TTC39B: variants seen among roughly 807,000 people sequenced by gnomAD.
TTC39B encodes tetratricopeptide repeat domain 39B, also known as tetratricopeptide repeat protein 39B.
A neutral mutation model predicts 96.6 loss-of-function variants in TTC39B; 92 were observed. That is an observed-to-expected ratio of 0.95 (90% CI 0.80 to 1.13). The LOEUF (loss-of-function observed/expected upper bound fraction) is 1.13. Among genes scored for constraint, TTC39B ranks in the 50% most tolerant of loss-of-function variants. The probability of loss-of-function intolerance (pLI) is 0.00; values close to 1 mark genes in which losing one functional copy is unlikely to be tolerated. For synonymous variants in TTC39B, 367 were observed against 299.4 expected, an observed-to-expected ratio of 1.23 and a Z score of -2.33; for missense variants, 955 against 809.3, an observed-to-expected ratio of 1.18 and a Z score of -2.18.
intron 2 of TTC39B, among the ~76,000 whole-genome samples, chr9:15,258,319 G>C (rs914117811): frequency 2.0e-5 from 3 of 152,122 alleles, no homozygotes; most frequent in Non-Finnish European, 4.4e-5. Context: ...GAAAAGAAAG[G>C]AATCAAAGAT....
intron 13 of TTC39B, among the ~76,000 whole-genome samples, chr9:15,188,446 C>T (rs1818661416): frequency 6.6e-6 from 1 of 152,148 alleles, no homozygotes; most frequent in South Asian, 2.1e-4. Flanking sequence ...GGACAAAACA[C>T]TGTAGGCAGA....
chr9:15,198,741 C>T (rs992621504), intron 8 of TTC39B, among the ~76,000 whole-genome samples: 1 of 151,780 alleles, frequency 6.6e-6, no homozygotes, highest in African/African-American at 2.4e-5. Flanking sequence ...ATGGTAGTCA[C>T]AAGTGCAAAC....
chr9:15,280,643 C>G (rs1823726632), intron 1 of TTC39B, among the ~76,000 whole-genome samples: 1 of 152,302 alleles, frequency 6.6e-6, no homozygotes, highest in South Asian at 2.1e-4. Flanking sequence ...GCTGAGACCA[C>G]CAAGCAGCCT....
chr9:15,218,632 T>TAAAAAAAAAAAAAA (rs545882970), intron 3 of TTC39B, among the ~76,000 whole-genome samples: 41 of 105,150 alleles, frequency 3.9e-4, no homozygotes, highest in African/African-American at 1.4e-3. Flanking sequence ...TTAGTCTATT[T>TAAAAAAAAAAAAAA]TAAATATATA....
intron 2 of TTC39B, among the ~76,000 whole-genome samples, chr9:15,244,118 A>T (rs1822168667): frequency 1.3e-5 from 2 of 152,338 alleles, no homozygotes; most frequent in South Asian, 2.1e-4. Flanking sequence ...ATTTAAAACA[A>T]ACAACAATGG....
chr9:15,166,423 C>T (rs1181700778), exon 20 of TTC39B: 1 of 152,228 alleles, frequency 6.6e-6, no homozygotes, highest in Non-Finnish European at 1.5e-5. Flanking sequence ...GGCCAAGAAC[C>T]TGCTCAGCCA....
At chr9:15,266,581 A>G (rs1376524505) in intron 2 of TTC39B, among the ~76,000 whole-genome samples, 1 of 152,216 alleles carries the variant, frequency 6.6e-6, no homozygotes, top group Non-Finnish European at 1.5e-5. Context: ...TTGCTTACAT[A>G]GTATTGGTAG....
intron 7 of TTC39B, among the ~76,000 whole-genome samples, chr9:15,200,710 A>G (rs1258828356): frequency 6.6e-6 from 1 of 152,250 alleles, no homozygotes; most frequent in Non-Finnish European, 1.5e-5. Context: ...GATATCAGAA[A>G]GATGCTCTGG....
In TTC39B at chr9:15,177,731, G is replaced by A. The variant is rs756376183; in HGVS notation, c.1807C>T (p.Gln603Ter). Residue 603 changes from glutamine to a stop codon, truncating the protein, a stop_gained, in exon 18 of 20, where the codon CAA (glutamine) becomes TAA (stop). Coordinates refer to ENST00000512701, the Ensembl canonical transcript of TTC39B. LOFTEE classifies it high-confidence loss of function. Reference sequence around the variant, plus strand: ...ACATGATTGTAACATAGTTCAGCTTGCAAGGGCCGCTGTAAGTTCTTGAGG... The same window carrying A: ...ACATGATTGTAACATAGTTCAGCTTACAAGGGCCGCTGTAAGTTCTTGAGG... 7 of 1,613,300 alleles carry A rather than the reference G, an allele frequency of 4.3e-6. No individual in the cohort carries two copies. Among genetic ancestry groups the A allele is most frequent in the African/African-American group, 1.3e-5 (1 of 74,852 alleles).
chr9:15,201,904 G>C (rs1197373206), intron 7 of TTC39B, among the ~76,000 whole-genome samples: 1 of 152,174 alleles, frequency 6.6e-6, no homozygotes, highest in Non-Finnish European at 1.5e-5. Flanking sequence ...CCAGGTCAGA[G>C]ACTCATTTTT....
chr9:15,281,678 AT>A (rs57693563), intron 1 of TTC39B, among the ~76,000 whole-genome samples: 16,848 of 137,584 alleles, frequency 0.12, 2,026 homozygotes, highest in African/African-American at 0.32. Context: ...CCTCTTCTGC[AT>A]TTTTTTTTTC....
intron 18 of TTC39B, 35 bp downstream of exon 18, chr9:15,177,662 T>C: frequency 6.9e-7 from 1 of 1,449,890 alleles, no homozygotes; most frequent in Non-Finnish European, 9.6e-7. Context: ...GAAACCACAA[T>C]TTGCACTTGG....
chr9:15,290,382 T>C (rs1824139543), intron 1 of TTC39B, among the ~76,000 whole-genome samples: 1 of 152,184 alleles, frequency 6.6e-6, no homozygotes, highest in Non-Finnish European at 1.5e-5. Flanking sequence ...GCTGCAATGA[T>C]AGAAGGCCAC....
chr9:15,304,161 T>C (rs1824684455), intron 1 of TTC39B, among the ~76,000 whole-genome samples: 1 of 152,196 alleles, frequency 6.6e-6, no homozygotes, highest in Non-Finnish European at 1.5e-5. Flanking sequence ...TATGTGAAGG[T>C]AACCAACTAA....
intron 6 of TTC39B, among the ~76,000 whole-genome samples, chr9:15,206,887 C>T (rs1218130126): frequency 2.0e-5 from 3 of 151,958 alleles, no homozygotes; most frequent in Non-Finnish European, 2.9e-5. Flanking sequence ...AATTGTAATC[C>T]CCATAATCCC....
intron 2 of TTC39B, among the ~76,000 whole-genome samples, chr9:15,227,094 G>A (rs970993083): frequency 2.4e-4 from 36 of 152,098 alleles, no homozygotes; most frequent in Admixed American, 2.4e-3. Context: ...ATCACCCGAG[G>A]TCAGGAGTTC....
At chr9:15,250,479 C>T (rs73646019) in intron 2 of TTC39B, among the ~76,000 whole-genome samples, 10,596 of 151,154 alleles carry the variant, frequency 0.07, 445 homozygotes, top group African/African-American at 0.1. Flanking sequence ...CCGACTGAGA[C>T]GCAGATTTTA....
chr9:15,229,028 A>G (rs1332522805), intron 2 of TTC39B, among the ~76,000 whole-genome samples: 3 of 152,194 alleles, frequency 2.0e-5, no homozygotes, highest in African/African-American at 7.2e-5. Context: ...CATGCCACAA[A>G]CTAATTTTTT....
chr9:15,278,752 G>C (rs1823642919), intron 1 of TTC39B, among the ~76,000 whole-genome samples: 1 of 152,082 alleles, frequency 6.6e-6, no homozygotes, highest in African/African-American at 2.4e-5. Flanking sequence ...TTAACACCTA[G>C]GCACTATGTT....
Sources: gnomAD v4.1 joint callset for allele counts (sites outside exome capture counted in the v4.1 genomes callset) on GRCh38, gnomAD v4.1.1 for gene constraint, MANE v1.5 for transcripts, NCBI Gene and HGNC (gene_info 2026-07-23, HGNC 2026-07-21) for gene names.